Variants in CELSR1 observed in about 807,000 individuals in gnomAD.
CELSR1 encodes cadherin EGF LAG seven-pass G-type receptor 1.
In CELSR1, 110 loss-of-function variants were observed where a neutral mutation model predicts 249.1. That is an observed-to-expected ratio of 0.44 (90% CI 0.38 to 0.52). The LOEUF is 0.52. Among genes scored for constraint, CELSR1 ranks in the 20% least tolerant of loss-of-function variants. The pLI, the probability that CELSR1 is intolerant of heterozygous loss-of-function variation, is 0.00. For synonymous variants in CELSR1, 2,113 were observed against 1,900.0 expected (o/e 1.11, Z -2.92); for missense variants, 4,109 against 4,296.4 (o/e 0.96, Z 1.22).
intron 1 of CELSR1, among the ~76,000 whole-genome samples, chr22:46,474,549 T>A (rs1219808449): frequency 6.6e-6 from 1 of 152,158 alleles, no homozygotes; most frequent in African/African-American, 2.4e-5. Context: ...AATATATCCA[T>A]TACTTGTAAA....
intron 2 of CELSR1, among the ~76,000 whole-genome samples, chr22:46,463,177 G>C (rs559413292): frequency 1.3e-4 from 20 of 152,358 alleles, no homozygotes; most frequent in African/African-American, 4.8e-4. Context: ...GGGAAAGTGA[G>C]TAAGCCGTGG....
chr22:46,509,234 T>G (rs1431681526), intron 1 of CELSR1, among the ~76,000 whole-genome samples: 1 of 151,988 alleles, frequency 6.6e-6, no homozygotes, highest in Non-Finnish European at 1.5e-5. Context: ...GACAAGGGGG[T>G]GCAGACCTGC....
rs2079552798 is a variant in CELSR1, at chr22:46,427,835, T to C, written c.4611+5558A>G. ...CACAACTGTCTAACCACGGCAGATCTGTAGAGCCCAGAAAGGGTCCCATCA... is the reference window on the plus strand; with the variant it reads ...CACAACTGTCTAACCACGGCAGATCCGTAGAGCCCAGAAAGGGTCCCATCA... On this transcript the variant is annotated intron_variant, in intron 5 of 34. Transcript: ENST00000674500. The surrounding 1 kb of genome is among the most constrained non-coding windows in gnomAD (Gnocchi z 4.2). 6.6e-6 allele frequency among the ~76,000 whole-genome samples: 1 copy of C among 152,076 alleles called. No individual in the cohort carries two copies. The highest frequency in any genetic ancestry group is 1.5e-5 in the Non-Finnish European group (1 of 68,024).
intron 5 of CELSR1, among the ~76,000 whole-genome samples, chr22:46,432,718 G>C (rs935959887): frequency 6.6e-6 from 1 of 152,188 alleles, no homozygotes; most frequent in Non-Finnish European, 1.5e-5. Flanking sequence ...AGGTACAGTG[G>C]ACGATTTTGG....
rs1602075021 is a variant in CELSR1 at position 46,396,506 on chromosome 22, A to G, written c.5843+99T>C. The G allele has an allele frequency of 2.3e-6, 3 of 1,278,100 alleles. No homozygotes were observed. The highest frequency in any genetic ancestry group is 3.1e-6 in the Non-Finnish European group (3 of 982,216). The allele number at this position is 1,278,100 out of a possible 1,614,324, so 79.2% of individuals were successfully genotyped here. A position where few individuals can be genotyped will look rare whatever the true frequency, so the allele number is the denominator to read the frequency against. On this transcript the variant is annotated intron_variant, in intron 13 of 34. Coordinates refer to ENST00000674500, the MANE Select transcript of CELSR1 (RefSeq NM_001378328.1). This position sits in a 1 kb window ranked among gnomAD's most constrained non-coding sequence, Gnocchi z 6.4. The stretch of plus-strand genomic sequence containing the variant: ...ATGTCCCTGTTACCCAGAATCACAC[A>G]TATCTTTGGGTCAAAATAAGAAAGA...
chr22:46,397,508 G>A (rs9615984), intron 12 of CELSR1, among the ~76,000 whole-genome samples, 166 bp downstream of exon 12: 1 of 152,076 alleles, frequency 6.6e-6, no homozygotes, highest in African/African-American at 2.4e-5. Context: ...AAGAGGCTCA[G>A]AGTCTCTCTC....
chr22:46,377,295 G>A (rs1043308148), intron 23 of CELSR1, 34 bp from the exon 24 acceptor site: 19 of 1,604,954 alleles, frequency 1.2e-5, no homozygotes, highest in African/African-American at 4.0e-5. Context: ...AGGAGAGAAG[G>A]TAAGGGCCGA....
At chr22:46,470,721 G>A (rs1459746554) in intron 1 of CELSR1, among the ~76,000 whole-genome samples, 1 of 152,160 alleles carries the variant, frequency 6.6e-6, no homozygotes, top group South Asian at 2.1e-4. Context: ...GTATGGGAAT[G>A]CTGAGCCAAG....
chr22:46,516,997 C>G (rs1473608511), intron 1 of CELSR1, among the ~76,000 whole-genome samples: 1 of 152,200 alleles, frequency 6.6e-6, no homozygotes, highest in African/African-American at 2.4e-5. Flanking sequence ...AGCAAAGGAA[C>G]CTTTATCACC....
intron 11 of CELSR1, 80 bp from the exon 12 acceptor site, chr22:46,397,928 G>T: frequency 8.2e-7 from 1 of 1,220,778 alleles, no homozygotes. Context: ...GACCTCTCTG[G>T]TCCCTTGCGA....
At position 46,381,126 on chromosome 22, in the gene CELSR1, T is replaced by G. The variant is rs1325921140; in HGVS notation, c.7089-171A>C. On this transcript the variant is annotated intron_variant, in intron 21 of 34. Coordinates refer to ENST00000674500, the MANE Select transcript of CELSR1 (RefSeq NM_001378328.1). The surrounding 1 kb of genome is among the most constrained non-coding windows in gnomAD (Gnocchi z 6.0). ...ACAGTATCTTCATCCCTAGAGCAGG[T>G]TTTATCACTGACAGGGCACACAGAG... is the stretch of plus-strand genomic sequence containing the variant. 6.6e-6 allele frequency among the ~76,000 whole-genome samples: 1 copy of G among 151,840 alleles called. No individual in the cohort carries two copies. Among genetic ancestry groups the G allele is most frequent in the Non-Finnish European group, 1.5e-5 (1 of 67,942 alleles).
intron 2 of CELSR1, among the ~76,000 whole-genome samples, chr22:46,461,811 G>A (rs1452558728): frequency 2.6e-5 from 4 of 152,256 alleles, no homozygotes; most frequent in Admixed American, 6.5e-5. Context: ...AAGCAGGGAA[G>A]TCGACGAAGC....
In CELSR1 at chr22:46,437,058, T is replaced by C. The variant is rs1279108491; in HGVS notation, c.4407-769A>G. Among the ~76,000 whole-genome samples, 5 of 152,202 alleles carry C rather than the reference T, an allele frequency of 3.3e-5. No individual in the cohort carries two copies. Among genetic ancestry groups the C allele is most frequent in the African/African-American group, 1.2e-4 (5 of 41,450 alleles). ...GAACCCAAAGAAGATCTGGTCCATA[T>C]CAGTGCTTAATATGGGCTGTTTGAA... is the stretch of plus-strand genomic sequence containing the variant. On this transcript the variant is annotated intron_variant, in intron 3 of 34. Coordinates refer to ENST00000674500, the MANE Select transcript of CELSR1 (RefSeq NM_001378328.1). This position sits in a 1 kb window ranked among gnomAD's most constrained non-coding sequence, Gnocchi z 4.9.
rs1360734869 is a variant in CELSR1 at position 46,410,971 on chromosome 22, G to A, written c.4770-410C>T. The stretch of plus-strand genomic sequence containing the variant: ...AAATGAGAACCCAGCACTTTGGGAG[G>A]CTGAGGCGGGCAGATCACGAGGTCA... On this transcript the variant is annotated intron_variant, in intron 6 of 34. Coordinates refer to ENST00000674500, the MANE Select transcript of CELSR1 (RefSeq NM_001378328.1). This position sits in a 1 kb window ranked among gnomAD's most constrained non-coding sequence, Gnocchi z 6.8. Among the ~76,000 whole-genome samples, 4 of 152,156 alleles carry A rather than the reference G, an allele frequency of 2.6e-5. No homozygotes were observed. Among genetic ancestry groups the A allele is most frequent in the African/African-American group, 7.2e-5 (3 of 41,444 alleles).
At chr22:46,453,212 A>T (rs373826119) in intron 2 of CELSR1, among the ~76,000 whole-genome samples, 12 of 152,260 alleles carry the variant, frequency 7.9e-5, no homozygotes, top group African/African-American at 2.9e-4. Flanking sequence ...GCTGGAAGGG[A>T]CGTGCCCGGT....
chr22:46,498,272 A>G (rs1426371164), intron 1 of CELSR1, among the ~76,000 whole-genome samples: 7 of 66,366 alleles, frequency 1.1e-4, no homozygotes, highest in Non-Finnish European at 2.0e-4. Flanking sequence ...AAAAAAAAAA[A>G]AAAAGCGAAA....
chr22:46,457,639 C>G (rs926620995), intron 2 of CELSR1, among the ~76,000 whole-genome samples: 1 of 152,184 alleles, frequency 6.6e-6, no homozygotes, highest in African/African-American at 2.4e-5. Flanking sequence ...GCTCACAGCG[C>G]GGACAGAGAT....
intron 1 of CELSR1, among the ~76,000 whole-genome samples, chr22:46,494,161 T>G (rs551736309): frequency 2.6e-4 from 40 of 152,328 alleles, no homozygotes; most frequent in Admixed American, 3.9e-4. Context: ...CTGGGCTCTC[T>G]CTTCCATTCC....
In CELSR1 at chr22:46,427,655, C is replaced by T. The variant is rs1318510543; in HGVS notation, c.4611+5738G>A. Among the ~76,000 whole-genome samples, 9 of 152,226 alleles carry T rather than the reference C, an allele frequency of 5.9e-5. No individual in the cohort carries two copies. Among genetic ancestry groups the T allele is most frequent in the Non-Finnish European group, 1.2e-4 (8 of 68,046 alleles). On this transcript the variant is annotated intron_variant, in intron 5 of 34. Transcript: ENST00000674500. The surrounding 1 kb of genome is among the most constrained non-coding windows in gnomAD (Gnocchi z 4.2). The stretch of plus-strand genomic sequence containing the variant: ...CCGCACTGTTGGCAATGGTTGTTGA[C>T]GTTCCGCTGTCGGAGGACCTTATAT...
Sources: gnomAD v4.1 joint callset for allele counts (sites outside exome capture counted in the v4.1 genomes callset) on GRCh38, gnomAD v4.1.1 for gene constraint, Gnocchi (gnomAD v3.1) non-coding constraint, MANE v1.5 for transcripts, NCBI Gene and HGNC (gene_info 2026-07-23, HGNC 2026-07-21) for gene names.